Variants in COL28A1 observed in about 807,000 individuals in gnomAD.
The protein encoded by COL28A1 is collagen type XXVIII alpha 1 chain, also known as collagen alpha-1(XXVIII) chain.
Under a neutral mutation model 150.2 loss-of-function variants are expected in COL28A1, and 161 were observed. That is an observed-to-expected ratio of 1.07 (90% CI 0.94 to 1.22). The LOEUF (loss-of-function observed/expected upper bound fraction) is 1.22. COL28A1 is among the 50% of genes most tolerant of loss of function. The pLI, the probability that COL28A1 is intolerant of heterozygous loss-of-function variation, is 0.00. For missense variants in COL28A1, 1,617 were observed against 1,388.3 expected (o/e 1.16, Z -2.62); for synonymous variants, 552 against 469.7 (o/e 1.18, Z -2.26).
At chr7:7,537,852 G>C (rs1472886991), upstream of COL28A1, among the ~76,000 whole-genome samples, 3 of 152,218 alleles carry the variant, frequency 2.0e-5, no homozygotes, top group Non-Finnish European at 4.4e-5. Context: ...TGAGAATCAA[G>C]AGACAAGGAA....
At chr7:7,528,434 C>T (rs1782151445) in intron 3 of COL28A1, among the ~76,000 whole-genome samples, 1 of 152,110 alleles carries the variant, frequency 6.6e-6, no homozygotes, top group Non-Finnish European at 1.5e-5. Context: ...CTATGGGGTT[C>T]TTACATGATA....
rs376950404 is a variant in COL28A1, at chr7:7,490,558, A to G, written c.1095+20T>C. ...ATAAATTCAACAGTCATCAGTGGGC[A>G]AAAAGACAAGTATCTTTACCTTAAT... On this transcript the variant is annotated intron_variant, in intron 12 of 34. Transcript: ENST00000399429. 9.4e-7 allele frequency: 1 copy of G among 1,065,892 alleles called. No homozygotes were observed. Among genetic ancestry groups the G allele is most frequent in the Non-Finnish European group, 1.5e-6 (1 of 682,466 alleles). The allele number at this position is 1,065,892 out of a possible 1,614,324, so 66.0% of individuals were successfully genotyped here. A position where few individuals can be genotyped will look rare whatever the true frequency, so the allele number is the denominator to read the frequency against.
chr7:7,398,530 G>T (rs1782976197), intron 27 of COL28A1, among the ~76,000 whole-genome samples: 1 of 152,192 alleles, frequency 6.6e-6, no homozygotes, highest in South Asian at 2.1e-4. Context: ...TTCTGACAAT[G>T]AAATTGTTCT....
chr7:7,426,503 T>C (rs906464821), intron 25 of COL28A1, among the ~76,000 whole-genome samples: 1 of 152,218 alleles, frequency 6.6e-6, no homozygotes, highest in African/African-American at 2.4e-5. Context: ...CATTTCTCAA[T>C]GACACCCTTT....
At chr7:7,434,947 A>C (rs1343475141) in intron 23 of COL28A1, among the ~76,000 whole-genome samples, 1 of 152,208 alleles carries the variant, frequency 6.6e-6, no homozygotes, top group Admixed American at 6.5e-5. Context: ...GAAGTATTAC[A>C]TAAAATGAAA....
At chr7:7,402,912 T>TACAG (rs1158837931) in intron 27 of COL28A1, among the ~76,000 whole-genome samples, 1 of 152,222 alleles carries the variant, frequency 6.6e-6, no homozygotes, top group Non-Finnish European at 1.5e-5. Context: ...TGAGGAAGAC[T>TACAG]ACAGACAGGA....
At chr7:7,471,499 C>A (rs1176316343) in intron 15 of COL28A1, among the ~76,000 whole-genome samples, 1 of 152,138 alleles carries the variant, frequency 6.6e-6, no homozygotes, top group African/African-American at 2.4e-5. Flanking sequence ...AATCCAACAA[C>A]GTATCAAAAA....
chr7:7,519,581 AT>A (rs1052767962), intron 6 of COL28A1, among the ~76,000 whole-genome samples: 3 of 152,006 alleles, frequency 2.0e-5, no homozygotes, highest in African/African-American at 4.8e-5. Flanking sequence ...AAAGCCTGGG[AT>A]TTTTTTTGAT....
At chr7:7,496,457 G>T (rs1297660666) in intron 11 of COL28A1, among the ~76,000 whole-genome samples, 1 of 152,106 alleles carries the variant, frequency 6.6e-6, no homozygotes, top group Non-Finnish European at 1.5e-5. Context: ...GTTCACTTAG[G>T]TTTTCAACTA....
chr7:7,492,693 T>G (rs1053600892), intron 11 of COL28A1, among the ~76,000 whole-genome samples: 2 of 150,286 alleles, frequency 1.3e-5, no homozygotes, highest in Non-Finnish European at 3.0e-5. Context: ...CCAGAAGATA[T>G]GCCCAGGCTC....
At chr7:7,501,325 T>C (rs1457245422) in intron 11 of COL28A1, among the ~76,000 whole-genome samples, 1 of 152,238 alleles carries the variant, frequency 6.6e-6, no homozygotes, top group Non-Finnish European at 1.5e-5. Flanking sequence ...AGGATTAGCA[T>C]ATGGTACTTT....
intron 27 of COL28A1, among the ~76,000 whole-genome samples, chr7:7,387,018 TA>T (rs1782225634): frequency 6.6e-6 from 1 of 152,132 alleles, no homozygotes; most frequent in African/African-American, 2.4e-5. Context: ...GGGCCTCCTT[TA>T]TAAGGGTGCT....
At chr7:7,364,128 C>A (rs1405842295) in intron 33 of COL28A1, among the ~76,000 whole-genome samples, 1 of 152,170 alleles carries the variant, frequency 6.6e-6, no homozygotes, top group Non-Finnish European at 1.5e-5. Flanking sequence ...CTGATTCTCC[C>A]CTTCTAGATG....
intron 11 of COL28A1, among the ~76,000 whole-genome samples, chr7:7,503,702 C>T (rs375607104): frequency 3.9e-5 from 6 of 152,104 alleles, no homozygotes; most frequent in South Asian, 4.1e-4. Context: ...TAGCTAATGA[C>T]CAATATGACA....
intron 19 of COL28A1, among the ~76,000 whole-genome samples, chr7:7,443,985 T>C: frequency 7.8e-6 from 1 of 128,380 alleles, no homozygotes; most frequent in East Asian, 2.1e-4. Flanking sequence ...TTCCATCTGC[T>C]GTTTTTTTTT....
rs750805271 is a variant in COL28A1 at position 7,471,123 on chromosome 7, A to AT, written c.1302+3477dup. Among the ~76,000 whole-genome samples, 244 of 127,956 alleles carry AT rather than the reference A, an allele frequency of 1.9e-3. 1 individual carries two copies. Among genetic ancestry groups the AT allele is most frequent in the African/African-American group, 7.7e-3 (230 of 29,768 alleles). 83.9% of individuals were successfully genotyped at this position (127,956 alleles called of 152,430 possible). A position where few individuals can be genotyped will look rare whatever the true frequency, so the allele number is the denominator to read the frequency against. On this transcript the variant is annotated intron_variant, in intron 15 of 34. Transcript: ENST00000399429. ...ACTTAGAGTATAATAAAAAAAAATA[A>AT]TTAAAAAAAAAAAAAAAAAAAGAAA... is the stretch of plus-strand genomic sequence containing the variant.
rs17516587 is a variant in COL28A1, at chr7:7,406,259, A to G, written c.2136+11600T>C. On this transcript the variant is annotated intron_variant, in intron 27 of 34. Coordinates refer to ENST00000399429, the MANE Select transcript of COL28A1 (RefSeq NM_001037763.3). ...ATCCAATAATTGTTTGTTGAATTAAAGTATATATGAATGAATCATTTTGTG... is the reference window on the plus strand; with the variant it reads ...ATCCAATAATTGTTTGTTGAATTAAGGTATATATGAATGAATCATTTTGTG... Among the ~76,000 whole-genome samples, 601 of 152,306 alleles carry G rather than the reference A, an allele frequency of 3.9e-3. 3 individuals are homozygous for G. Among genetic ancestry groups the G allele is most frequent in the Non-Finnish European group, 6.6e-3 (450 of 68,004 alleles).
In COL28A1 at chr7:7,520,057, T is replaced by C; in HGVS notation, c.813+5A>G. On this transcript the variant is annotated splice_donor_5th_base_variant and intron_variant, in intron 6 of 34. Transcript: ENST00000399429. Reference sequence around the variant, plus strand: ...GGTTTAAAGAAAAGCTGTTTATTCATTTACCGGGTTTCCTTTTGGTCCTCG... The same window carrying C: ...GGTTTAAAGAAAAGCTGTTTATTCACTTACCGGGTTTCCTTTTGGTCCTCG... 1 of 1,303,900 alleles carries C rather than the reference T, an allele frequency of 7.7e-7. No individual in the cohort carries two copies. Among genetic ancestry groups the C allele is most frequent in the Non-Finnish European group, 1.1e-6 (1 of 898,526 alleles). The allele number at this position is 1,303,900 out of a possible 1,614,324, so 80.8% of individuals were successfully genotyped here.
At chr7:7,443,264 T>C (rs1490822143) in intron 20 of COL28A1, among the ~76,000 whole-genome samples, 2 of 152,210 alleles carry the variant, frequency 1.3e-5, no homozygotes, top group Non-Finnish European at 2.9e-5. Flanking sequence ...AAAGAAAATT[T>C]ATGGACTGTC....
Sources: allele counts gnomAD v4.1 joint callset (sites outside exome capture counted in the v4.1 genomes callset), GRCh38; gene constraint gnomAD v4.1.1; transcripts MANE v1.5; gene names NCBI Gene and HGNC (gene_info 2026-07-23, HGNC 2026-07-21).